PHYH: variants seen among roughly 807,000 people sequenced by gnomAD.
PHYH encodes phytanoyl-CoA 2-hydroxylase, also known as phytanoyl-CoA dioxygenase, peroxisomal.
In PHYH, 32 loss-of-function variants were observed where a neutral mutation model predicts 38.5. The observed-to-expected ratio is 0.83, with a 90% CI of 0.63 to 1.12. PHYH has a LOEUF of 1.12. Ranked by LOEUF, PHYH falls within the 50% of genes most tolerant of loss-of-function variation. PHYH has a pLI of 0.00. For synonymous variants in PHYH, 166 were observed against 157.9 expected (o/e 1.05, Z -0.38); for missense variants, 426 against 434.8 (o/e 0.98, Z 0.18).
At chr10:13,289,831 T>A (rs367804277) in intron 5 of PHYH, among the ~76,000 whole-genome samples, 70 of 149,418 alleles carry the variant, frequency 4.7e-4, no homozygotes, top group African/African-American at 1.7e-3. Context: ...CTTGGAAGGC[T>A]GAGGGCTGAG....
In PHYH at chr10:13,299,954, A is replaced by G. The variant is rs989956107; in HGVS notation, c.75+14T>C. 1 of 1,516,860 alleles carries G rather than the reference A, an allele frequency of 6.6e-7. No homozygotes were observed. The highest frequency in any genetic ancestry group is 8.8e-7 in the Non-Finnish European group (1 of 1,138,258). 94.0% of individuals were successfully genotyped at this position (1,516,860 alleles called of 1,614,324 possible). On this transcript the variant is annotated intron_variant, in intron 1 of 8. Coordinates refer to ENST00000263038, the MANE Select transcript of PHYH (RefSeq NM_006214.4). ...GCCGGATCCAGCCCGAGCCCCGCGC[A>G]GCCCAAAGGATACGACAGCCCCGGC...
rs945890557 is a variant in PHYH, at chr10:13,299,988, G to C, written c.55C>G (p.Arg19Gly). The change falls in exon 1 of 9, where the codon CGC becomes GGC. Residue 19 changes from arginine to glycine, a missense_variant. Coordinates refer to ENST00000263038, the MANE Select transcript of PHYH (RefSeq NM_006214.4). ...GATACGACAGCCCCGGCCGAGGGGC[G>C]GCCGAGGTGGCCCAGAACAATCTGC... ...RLQIVLGHLG[R>G]PSAGAVVAHP... The C allele has an allele frequency of 1.3e-6, 2 of 1,531,402 alleles. No individual in the cohort carries two copies. The highest frequency in any genetic ancestry group is 2.8e-5 in the African/African-American group (2 of 71,822). 94.9% of individuals were successfully genotyped at this position (1,531,402 alleles called of 1,614,324 possible).
intron 6 of PHYH, among the ~76,000 whole-genome samples, chr10:13,284,493 T>C (rs918725853): frequency 6.6e-6 from 1 of 152,140 alleles, no homozygotes; most frequent in Admixed American, 6.6e-5. Context: ...ACCTATCTCT[T>C]GGGCATTTCC....
intron 2 of PHYH, 33 bp from the exon 3 acceptor site, chr10:13,295,639 C>T (rs777922644): frequency 2.2e-6 from 2 of 927,914 alleles, no homozygotes; most frequent in Non-Finnish European, 3.6e-6. Flanking sequence ...AAATAAGTTA[C>T]ATTTTTAAAT....
chr10:13,296,394 T>C (rs1835851731), intron 2 of PHYH, among the ~76,000 whole-genome samples: 1 of 150,282 alleles, frequency 6.7e-6, no homozygotes, highest in African/African-American at 2.5e-5. Flanking sequence ...CTGACTCACA[T>C]GATGAAACCC....
chr10:13,285,878 A>G (rs571775897), intron 6 of PHYH, among the ~76,000 whole-genome samples: 1 of 151,950 alleles, frequency 6.6e-6, no homozygotes, highest in Admixed American at 6.6e-5. Flanking sequence ...TGCTAGGATT[A>G]CAGGCATGAG....
At chr10:13,278,670 A>G (rs1317424891) in intron 8 of PHYH, among the ~76,000 whole-genome samples, 2 of 151,996 alleles carry the variant, frequency 1.3e-5, no homozygotes, top group African/African-American at 2.4e-5. Flanking sequence ...CTGGGATTAC[A>G]GGTGTGCACC....
At chr10:13,294,336 G>C in intron 4 of PHYH, 92 bp downstream of exon 4, 1 of 1,163,238 alleles carries the variant, frequency 8.6e-7, no homozygotes. Flanking sequence ...GATTACAGGA[G>C]TGAGCCACTG....
intron 5 of PHYH, among the ~76,000 whole-genome samples, chr10:13,291,251 C>G (rs144235872): frequency 6.6e-6 from 1 of 152,060 alleles, no homozygotes; most frequent in African/African-American, 2.4e-5. Context: ...AGCTTAGAGA[C>G]GTCGAATGGC....
chr10:13,280,259 G>A (rs185005273), intron 8 of PHYH, among the ~76,000 whole-genome samples: 1 of 152,138 alleles, frequency 6.6e-6, no homozygotes, highest in Admixed American at 6.5e-5. Context: ...GAGCCACCTC[G>A]CCCAGCCATA....
chr10:13,290,370 G>C (rs1835677526), intron 5 of PHYH, among the ~76,000 whole-genome samples: 1 of 152,068 alleles, frequency 6.6e-6, no homozygotes, highest in South Asian at 2.1e-4. Context: ...TGTCCAGTCG[G>C]AGTGCCCATG....
At chr10:13,296,208 G>A (rs892186248) in intron 2 of PHYH, among the ~76,000 whole-genome samples, 1 of 151,718 alleles carries the variant, frequency 6.6e-6, no homozygotes, top group East Asian at 1.9e-4. Context: ...CCTAGGAAAC[G>A]TTCATGCTCT....
chr10:13,295,403 A>T (rs539908078), intron 3 of PHYH, 93 bp downstream of exon 3: 5 of 763,954 alleles, frequency 6.5e-6, no homozygotes, highest in Non-Finnish European at 9.5e-6. Flanking sequence ...ATCATTAAAA[A>T]ACATCTGTAA....
At chr10:13,289,478 A>T (rs1564424883) in intron 5 of PHYH, among the ~76,000 whole-genome samples, 1 of 151,454 alleles carries the variant, frequency 6.6e-6, no homozygotes, top group Admixed American at 6.6e-5. Flanking sequence ...TCCAGGCGTG[A>T]GCCACCACGC....
At chr10:13,296,097 G>A (rs1458815329) in intron 2 of PHYH, among the ~76,000 whole-genome samples, 1 of 151,742 alleles carries the variant, frequency 6.6e-6, no homozygotes, top group Non-Finnish European at 1.5e-5. Flanking sequence ...GAACTTGGGA[G>A]GCGGAGGTTG....
At chr10:13,298,142 T>C in intron 2 of PHYH, 45 bp downstream of exon 2, 1 of 1,231,578 alleles carries the variant, frequency 8.1e-7, no homozygotes, top group Non-Finnish European at 1.2e-6. Flanking sequence ...TCAAGAAACT[T>C]TTATATACAT....
chr10:13,283,898 T>A, intron 6 of PHYH, 59 bp from the exon 7 acceptor site: 1 of 1,380,378 alleles, frequency 7.2e-7, no homozygotes, highest in Non-Finnish European at 1.0e-6. Flanking sequence ...AAAAACATTG[T>A]CAATGGTTCA....
At chr10:13,288,245 A>G (rs1835603183) in intron 6 of PHYH, 115 bp downstream of exon 6, 3 of 930,904 alleles carry the variant, frequency 3.2e-6, no homozygotes, top group African/African-American at 1.6e-5. Context: ...TCTTAGGACA[A>G]TGTTTTGCTC....
chr10:13,289,186 G>A (rs1278656594), intron 5 of PHYH, among the ~76,000 whole-genome samples: 2 of 152,010 alleles, frequency 1.3e-5, no homozygotes, highest in African/African-American at 4.8e-5. Context: ...TCTCTGTTGT[G>A]CTTTATTCTT....
Sources: allele counts gnomAD v4.1 joint callset (sites outside exome capture counted in the v4.1 genomes callset), GRCh38; gene constraint gnomAD v4.1.1; transcripts MANE v1.5; gene names NCBI Gene and HGNC (gene_info 2026-07-23, HGNC 2026-07-21).